The following DACH2 variants were observed in gnomAD, a reference collection of about 807,000 sequenced individuals.
DACH2 encodes the protein dachshund homolog 2.
Under a neutral mutation model 35.8 loss-of-function variants are expected in DACH2, and 17 were observed. The ratio of observed to expected loss-of-function variants is 0.48; its 90% CI spans 0.33 to 0.71. DACH2 has a LOEUF of 0.71. Among genes scored for constraint, DACH2 ranks in the 30% least tolerant of loss-of-function variants. The pLI, the probability that DACH2 is intolerant of heterozygous loss-of-function variation, is 0.02. For missense variants in DACH2, 469 were observed against 472.7 expected, an observed-to-expected ratio of 0.99 and a Z score of 0.07; for synonymous variants, 195 against 177.3, an observed-to-expected ratio of 1.10 and a Z score of -0.79.
chrX:86,154,706 G>A lies in DACH2; in HGVS notation c.488+5598G>A, dbSNP rs1174297395. 2.7e-5 allele frequency among the ~76,000 whole-genome samples: 3 copies of A among 111,476 alleles called. No homozygotes were observed. The East Asian group carries it at 8.4e-4, about 31-fold the overall frequency. ...GTTGCCCTGTGTTTAATAAATCAAT[G>A]AGACAGATCTGAATGAATCACTTCA... is the stretch of plus-strand genomic sequence containing the variant. On this transcript the variant is annotated intron_variant, in intron 1 of 11. Transcript: ENST00000373125.
intron 1 of DACH2, among the ~76,000 whole-genome samples, chrX:86,317,838 C>A (rs2034942356): frequency 9.0e-6 from 1 of 111,074 alleles, no homozygotes; most frequent in South Asian, 3.8e-4. Context: ...GGTTCCTAGG[C>A]CTGTTAGTGA....
intron 2 of DACH2, among the ~76,000 whole-genome samples, chrX:86,391,896 G>A (rs1450903560): frequency 1.8e-5 from 2 of 111,171 alleles, no homozygotes; most frequent in Non-Finnish European, 3.8e-5. Flanking sequence ...ATTCTAGATC[G>A]TGGGTAAATC....
intron 3 of DACH2, among the ~76,000 whole-genome samples, chrX:86,602,288 T>C (rs2039799966): frequency 1.8e-5 from 2 of 112,353 alleles, no homozygotes; most frequent in African/African-American, 6.5e-5. Context: ...TTTCTGCCAA[T>C]TGCAAATATA....
intron 2 of DACH2, among the ~76,000 whole-genome samples, chrX:86,512,393 A>G (rs1335382993): frequency 9.0e-6 from 1 of 111,222 alleles, no homozygotes; most frequent in African/African-American, 3.3e-5. Flanking sequence ...TTGTTGGAAA[A>G]GAGTTGCTTC....
chrX:86,495,791 C>T (rs758968648), intron 2 of DACH2, among the ~76,000 whole-genome samples: 2 of 108,239 alleles, frequency 1.8e-5, no homozygotes, highest in South Asian at 8.2e-4. Flanking sequence ...TACCGCTGCA[C>T]TCTAGCTTAG....
At chrX:86,360,245 C>A (rs892024394) in intron 1 of DACH2, among the ~76,000 whole-genome samples, 47 of 110,445 alleles carry the variant, frequency 4.3e-4, no homozygotes, top group African/African-American at 1.5e-3. Flanking sequence ...GACAGTAACA[C>A]AGAATCAGAT....
chrX:86,303,137 A>G (rs1410659075), intron 1 of DACH2, among the ~76,000 whole-genome samples: 1 of 104,450 alleles, frequency 9.6e-6, no homozygotes, highest in Non-Finnish European at 1.9e-5. Context: ...ACCACTAAGG[A>G]TATTGGAGGA....
At chrX:86,451,907 A>G (rs747601520) in intron 2 of DACH2, among the ~76,000 whole-genome samples, 52 of 111,330 alleles carry the variant, frequency 4.7e-4, no homozygotes, top group African/African-American at 1.7e-3. Context: ...GTGAGAGAGG[A>G]CATTCTTGTC....
intron 1 of DACH2, among the ~76,000 whole-genome samples, chrX:86,240,448 T>C (rs1463608159): frequency 9.8e-6 from 1 of 102,073 alleles, no homozygotes; most frequent in Non-Finnish European, 2.0e-5. Context: ...ATTATTATTA[T>C]TATTATTATT....
At chrX:86,519,349 G>A (rs2038518415) in intron 3 of DACH2, among the ~76,000 whole-genome samples, 1 of 111,981 alleles carries the variant, frequency 8.9e-6, no homozygotes, top group East Asian at 2.8e-4. Context: ...GCATTGGCCT[G>A]AAGTTTTCTT....
At chrX:86,354,298 A>T (rs2035605632) in intron 1 of DACH2, among the ~76,000 whole-genome samples, 1 of 5,784 alleles carries the variant, frequency 1.7e-4, no homozygotes, top group East Asian at 9.4e-3. Context: ...ATACCATTTG[A>T]CCCAGCCATC....
At chrX:86,323,012 G>A (rs750662179) in intron 1 of DACH2, among the ~76,000 whole-genome samples, 98 of 112,596 alleles carry the variant, frequency 8.7e-4, no homozygotes, top group African/African-American at 2.3e-3. Flanking sequence ...GCAGAGGGAC[G>A]TAAAAGGGAG....
chrX:86,534,881 T>C (rs1344909701), intron 3 of DACH2, among the ~76,000 whole-genome samples: 1 of 111,661 alleles, frequency 9.0e-6, no homozygotes, highest in Non-Finnish European at 1.9e-5. Context: ...CATGATAGAT[T>C]AAATTAAATT....
intron 1 of DACH2, chrX:86,304,447 T>A: frequency 8.3e-6 from 1 of 120,362 alleles, no homozygotes; most frequent in South Asian, 2.9e-4. Context: ...AACATTACCA[T>A]CATGTCATGG....
intron 1 of DACH2, among the ~76,000 whole-genome samples, chrX:86,327,930 T>C (rs958769775): frequency 8.9e-6 from 1 of 111,757 alleles, no homozygotes; most frequent in Non-Finnish European, 1.9e-5. Flanking sequence ...ATTATGTTGG[T>C]ATTTTTAGCT....
chrX:86,759,011 C>T (rs1279297999), intron 7 of DACH2, among the ~76,000 whole-genome samples: 1 of 111,751 alleles, frequency 8.9e-6, no homozygotes, highest in Non-Finnish European at 1.9e-5. Flanking sequence ...AGGTCTTATT[C>T]TTTCTATTTT....
chrX:86,422,410 C>G (rs2148159423), intron 2 of DACH2, among the ~76,000 whole-genome samples: 1 of 110,861 alleles, frequency 9.0e-6, no homozygotes, highest in African/African-American at 3.3e-5. Context: ...AATAGCATTG[C>G]CAATTTTGGA....
At chrX:86,718,956 T>G (rs1323845477) in intron 6 of DACH2, among the ~76,000 whole-genome samples, 1 of 112,287 alleles carries the variant, frequency 8.9e-6, no homozygotes, top group Non-Finnish European at 1.9e-5. Flanking sequence ...TATTTGGTTA[T>G]TTGTGCTCTT....
chrX:86,816,176 A>C, intron 11 of DACH2, 77 bp downstream of exon 11: 2 of 619,624 alleles, frequency 3.2e-6, no homozygotes, highest in Non-Finnish European at 4.8e-6. Context: ...TGAGGTGGGG[A>C]TGAGCTTCTG....
Sources: allele counts gnomAD v4.1 joint callset (sites outside exome capture counted in the v4.1 genomes callset), GRCh38; gene constraint gnomAD v4.1.1; transcripts MANE v1.5; gene names NCBI Gene and HGNC (gene_info 2026-07-23, HGNC 2026-07-21).